ANKRD11: variants seen among roughly 807,000 people sequenced by gnomAD.
ANKRD11 encodes the protein ankyrin repeat domain 11.
ANKRD11 carries 17 observed loss-of-function variants against 195.7 expected under a neutral mutation model. That is an observed-to-expected ratio of 0.09 (90% confidence interval 0.06 to 0.13). The LOEUF is 0.13. Ranked by LOEUF, ANKRD11 falls within the 10% of genes least tolerant of loss-of-function variation. The pLI, the probability that ANKRD11 is intolerant of heterozygous loss-of-function variation, is 1.00. For synonymous variants in ANKRD11, 1,953 were observed against 1,528.1 expected, an observed-to-expected ratio of 1.28 and a Z score of -6.49; for missense variants, 3,735 against 3,566.1, an observed-to-expected ratio of 1.05 and a Z score of -1.21.
At chr16:89,475,746 G>C (rs990091245) in intron 1 of ANKRD11, among the ~76,000 whole-genome samples, 2 of 152,066 alleles carry the variant, frequency 1.3e-5, no homozygotes, top group Non-Finnish European at 2.9e-5. Context: ...GAGGGATAAG[G>C]AACACGAAAA....
At chr16:89,326,381 C>A (rs1309805131) in intron 2 of ANKRD11, among the ~76,000 whole-genome samples, 1 of 151,912 alleles carries the variant, frequency 6.6e-6, no homozygotes, top group African/African-American at 2.4e-5. Context: ...AGCCACCGCC[C>A]CCCCCACCCC....
chr16:89,381,354 A>AAAAAAAAG (rs1555560066), intron 2 of ANKRD11, among the ~76,000 whole-genome samples: 116 of 125,322 alleles, frequency 9.3e-4, no homozygotes, highest in African/African-American at 3.5e-3. Context: ...AAAAAAAAAA[A>AAAAAAAAG]GGGGTGAGAA....
At chr16:89,320,446 C>CGCCCTGTGCTGAGCGGCAAG (rs1199526210) in intron 2 of ANKRD11, 51 of 152,290 alleles carry the variant, frequency 3.3e-4, no homozygotes, top group African/African-American at 1.2e-3. Context: ...GGCTGACTCA[C>CGCCCTGTGCTGAGCGGCAAG]GCCCTGTGCT....
At chr16:89,325,911 A>G (rs553196317) in intron 2 of ANKRD11, among the ~76,000 whole-genome samples, 1 of 152,266 alleles carries the variant, frequency 6.6e-6, no homozygotes, top group East Asian at 1.9e-4. Flanking sequence ...CAAGGGCATG[A>G]GCATGACGAC....
intron 1 of ANKRD11, among the ~76,000 whole-genome samples, chr16:89,480,320 C>A (rs2057403205): frequency 6.7e-6 from 1 of 148,326 alleles, no homozygotes; most frequent in Admixed American, 6.7e-5. Flanking sequence ...ATTAAAAATA[C>A]AAAAAAATTA....
At position 89,448,163 on chromosome 16, in the gene ANKRD11, TTGCAGACAGTGGGCACCC is replaced by T. The variant is rs1047468971; in HGVS notation, c.-144-29813_-144-29796del. ...TGCACCCTTGCAGACACTGGGCACC[TTGCAGACAGTGGGCACCC>T]TGCAGACAGTGGGCACCTTGCAGAC... is the stretch of plus-strand genomic sequence containing the variant. On this transcript the variant is annotated intron_variant, in intron 1 of 12. Coordinates refer to ENST00000301030, the MANE Select transcript of ANKRD11 (RefSeq NM_013275.6). Among the ~76,000 whole-genome samples the T allele has an allele frequency of 1.3e-4, 20 of 151,952 alleles. No homozygotes were observed. The East Asian group carries it at 2.1e-3, about 16-fold the overall frequency.
At chr16:89,439,517 A>T (rs1231946712) in intron 1 of ANKRD11, among the ~76,000 whole-genome samples, 1 of 152,218 alleles carries the variant, frequency 6.6e-6, no homozygotes, top group African/African-American at 2.4e-5. Context: ...CTCCATGTAA[A>T]ACAGTGATCC....
chr16:89,388,293 A>ATTTTTTT (rs71134215), intron 2 of ANKRD11, among the ~76,000 whole-genome samples: 6,119 of 84,932 alleles, frequency 0.072, 1,012 homozygotes, highest in East Asian at 0.19. Context: ...CATGAGGCTG[A>ATTTTTTT]TTTTTTTTTT....
chr16:89,449,026 A>G (rs1017103727), intron 1 of ANKRD11, among the ~76,000 whole-genome samples: 1 of 152,142 alleles, frequency 6.6e-6, no homozygotes, highest in Admixed American at 6.6e-5. Context: ...CAAATCACAC[A>G]TGAAAAAGAA....
intron 2 of ANKRD11, among the ~76,000 whole-genome samples, chr16:89,397,353 A>T (rs2041485088): frequency 6.6e-6 from 1 of 152,114 alleles, no homozygotes; most frequent in African/African-American, 2.4e-5. Context: ...TGTCAACTGG[A>T]TGCGCATTTA....
rs180964778 is a variant in ANKRD11 at position 89,276,832 on chromosome 16, C to T, written c.7471-1641G>A. Among the ~76,000 whole-genome samples the T allele has an allele frequency of 3.7e-3, 559 of 152,112 alleles. 8 individuals are homozygous for T. Among genetic ancestry groups the T allele is most frequent in the Admixed American group, 0.027 (405 of 15,278 alleles). ...CAGCACTTTGGGAGGCTGAGGCAGG[C>T]GGATCACAAGGTCAGGAGTTTGAGA... On this transcript the variant is annotated intron_variant, in intron 9 of 12. Transcript: ENST00000301030.
At chr16:89,360,960 G>C (rs1467035327) in intron 2 of ANKRD11, among the ~76,000 whole-genome samples, 2 of 152,138 alleles carry the variant, frequency 1.3e-5, no homozygotes, top group African/African-American at 2.4e-5. Context: ...CTCTGCATCA[G>C]GTGAGAGGCT....
rs764530291 is a variant in ANKRD11 at position 89,284,249 on chromosome 16, TCTC to T, written c.2290_2292del (p.Glu764del). On this transcript the variant is annotated inframe_deletion, in exon 9 of 13. Coordinates refer to ENST00000301030, the MANE Select transcript of ANKRD11 (RefSeq NM_013275.6). Reference sequence around the variant, plus strand: ...GGCCGGTCTTTTGATTTCTTCTTTCTCTCCTCTTTGTACAGTCTCAGTTTTTCT... The same window carrying T: ...GGCCGGTCTTTTGATTTCTTCTTTCTCTCTTTGTACAGTCTCAGTTTTTCT... 5 of 1,613,678 alleles carry T rather than the reference TCTC, an allele frequency of 3.1e-6. No individual in the cohort carries two copies. The South Asian group carries it at 5.5e-5, about 18-fold the overall frequency.
At chr16:89,278,119 T>G in intron 9 of ANKRD11, 2 of 231,586 alleles carry the variant, frequency 8.6e-6, no homozygotes, top group South Asian at 5.2e-5. Flanking sequence ...GTGAGTGGAG[T>G]CGCGTGGTCT....
intron 4 of ANKRD11, among the ~76,000 whole-genome samples, chr16:89,302,453 A>C (rs1191349615): frequency 6.6e-6 from 1 of 152,036 alleles, no homozygotes; most frequent in Non-Finnish European, 1.5e-5. Context: ...GGGTTTCTTC[A>C]TGTTGGTCAG....
intron 4 of ANKRD11, among the ~76,000 whole-genome samples, chr16:89,301,992 T>C (rs941639896): frequency 5.3e-5 from 8 of 151,948 alleles, no homozygotes; most frequent in South Asian, 2.1e-4. Flanking sequence ...CCTCCCACCA[T>C]AGCAAGGGGC....
At position 89,282,037 on chromosome 16, in the gene ANKRD11, G is replaced by A; in HGVS notation, c.4505C>T (p.Pro1502Leu). The change falls in exon 9 of 13, where the codon CCC (proline) becomes CTC (leucine). Residue 1502 changes from proline to leucine, a missense_variant. By Grantham distance (98) the Pro-to-Leu change is moderately conservative (BLOSUM62 -3). Transcript: ENST00000301030. ...LLRHHRDEQKPATRDKDSPPR... is the reference protein window; with the variant it reads ...LLRHHRDEQKLATRDKDSPPR... ...CGGGCTGTCCTTGTCCCTGGTGGCGGGCTTCTGCTCGTCCCTGTGATGCCG... is the reference window on the plus strand; with the variant it reads ...CGGGCTGTCCTTGTCCCTGGTGGCGAGCTTCTGCTCGTCCCTGTGATGCCG... The A allele has an allele frequency of 6.2e-7, 1 of 1,613,360 alleles. No individual in the cohort carries two copies. Among genetic ancestry groups the A allele is most frequent in the Non-Finnish European group, 8.5e-7 (1 of 1,179,898 alleles).
chr16:89,490,526 C>G lies in ANKRD11; in HGVS notation c.-426G>C. ...GCGGCGGCGCCTCCCCGGCTGGGGC[C>G]CTCGGTCCATCGCGCACCGTCTCAG... On this transcript the variant is annotated 5_prime_UTR_variant, in exon 1 of 13. Transcript: ENST00000301030. 2.1e-6 allele frequency: 1 copy of G among 471,500 alleles called. No homozygotes were observed. Among genetic ancestry groups the G allele is most frequent in the South Asian group, 3.4e-5 (1 of 29,692 alleles). 29.2% of individuals were successfully genotyped at this position (471,500 alleles called of 1,614,324 possible). A position where few individuals can be genotyped will look rare whatever the true frequency, so the allele number is the denominator to read the frequency against.
intron 2 of ANKRD11, among the ~76,000 whole-genome samples, chr16:89,343,352 G>A (rs951071010): frequency 3.3e-5 from 5 of 152,206 alleles, no homozygotes; most frequent in Admixed American, 1.3e-4. Flanking sequence ...TTGACATTTA[G>A]TTATAAGCTC....
Sources: allele counts gnomAD v4.1 joint callset (sites outside exome capture counted in the v4.1 genomes callset), GRCh38; gene constraint gnomAD v4.1.1; transcripts MANE v1.5; gene names NCBI Gene and HGNC (gene_info 2026-07-23, HGNC 2026-07-21).